The following DMD variants were observed in gnomAD, a reference collection of about 807,000 sequenced individuals.
DMD encodes the protein dystrophin.
DMD carries 63 observed loss-of-function variants against 330.1 expected under a neutral mutation model. The ratio of observed to expected loss-of-function variants is 0.19; its 90% CI spans 0.16 to 0.24. The LOEUF (loss-of-function observed/expected upper bound fraction) is 0.24. DMD is among the 10% of genes least tolerant of loss of function. The pLI, the probability that DMD is intolerant of heterozygous loss-of-function variation, is 1.00. For synonymous variants in DMD, 1,223 were observed against 959.8 expected (o/e 1.27, Z -5.07); for missense variants, 3,344 against 2,684.1 (o/e 1.25, Z -5.43).
intron 7 of DMD, among the ~76,000 whole-genome samples, chrX:32,744,786 C>A (rs1475284909): frequency 1.8e-5 from 2 of 111,968 alleles, no homozygotes; most frequent in East Asian, 5.6e-4. Flanking sequence ...GATATAAACA[C>A]TTTTCATCTG....
chrX:31,306,913 T>C (rs1012037973), intron 62 of DMD, among the ~76,000 whole-genome samples: 2 of 111,560 alleles, frequency 1.8e-5, no homozygotes, highest in Admixed American at 1.9e-4. Flanking sequence ...CTGTTCTTAT[T>C]CAGTCTTTTT....
intron 1 of DMD, among the ~76,000 whole-genome samples, chrX:33,293,113 C>A (rs2053537716): frequency 9.0e-6 from 1 of 111,380 alleles, no homozygotes; most frequent in African/African-American, 3.3e-5. Flanking sequence ...AAATCATATT[C>A]TTTAAATATT....
At chrX:32,916,015 G>A (rs918831381) in intron 2 of DMD, among the ~76,000 whole-genome samples, 2 of 111,362 alleles carry the variant, frequency 1.8e-5, no homozygotes, top group Non-Finnish European at 3.8e-5. Context: ...CATAAATATA[G>A]TATAATTAAT....
At chrX:32,819,164 G>C (rs2078015073) in intron 5 of DMD, among the ~76,000 whole-genome samples, 1 of 110,522 alleles carries the variant, frequency 9.0e-6, no homozygotes, top group Non-Finnish European at 1.9e-5. Flanking sequence ...ATATGGTAAG[G>C]ATAGTTTCTG....
chrX:31,519,037 T>G (rs1210877681), intron 55 of DMD, among the ~76,000 whole-genome samples: 1 of 111,896 alleles, frequency 8.9e-6, no homozygotes, highest in African/African-American at 3.2e-5. Flanking sequence ...GGTCAACAAC[T>G]GAATAATTTT....
chrX:31,715,590 T>G (rs1484950170), intron 52 of DMD, among the ~76,000 whole-genome samples: 2 of 110,435 alleles, frequency 1.8e-5, no homozygotes, highest in African/African-American at 6.6e-5. Flanking sequence ...TACATTTCAT[T>G]TCCATTTTGC....
At chrX:31,631,316 G>C (rs2079122527) in intron 54 of DMD, among the ~76,000 whole-genome samples, 1 of 111,044 alleles carries the variant, frequency 9.0e-6, no homozygotes, top group Non-Finnish European at 1.9e-5. Context: ...TGCTGGTAGT[G>C]CTACTGGCTG....
intron 2 of DMD, among the ~76,000 whole-genome samples, chrX:32,971,300 AT>A (rs2092373191): frequency 9.0e-6 from 1 of 111,500 alleles, no homozygotes; most frequent in Admixed American, 9.6e-5. Flanking sequence ...ATTGTGCTGT[AT>A]TTTTTAATCA....
intron 55 of DMD, among the ~76,000 whole-genome samples, chrX:31,620,868 C>T (rs1225589931): frequency 8.9e-6 from 1 of 111,738 alleles, no homozygotes; most frequent in African/African-American, 3.3e-5. Context: ...ATTTTGGTGA[C>T]ATTTAGATAT....
At chrX:32,896,015 C>T (rs1001386683) in intron 2 of DMD, among the ~76,000 whole-genome samples, 5 of 111,332 alleles carry the variant, frequency 4.5e-5, no homozygotes, top group Non-Finnish European at 9.4e-5. Flanking sequence ...AATGAATGAT[C>T]ACGGCTGTAA....
At chrX:32,636,005 G>C (rs1349903734) in intron 11 of DMD, among the ~76,000 whole-genome samples, 1 of 111,712 alleles carries the variant, frequency 9.0e-6, no homozygotes, top group African/African-American at 3.3e-5. Context: ...CCAAATTCTG[G>C]TATTCCTTAC....
chrX:31,522,361 C>CTATATATATATATATA (rs1454794019), intron 55 of DMD, among the ~76,000 whole-genome samples: 59 of 50,218 alleles, frequency 1.2e-3, no homozygotes, highest in Non-Finnish European at 1.5e-3. Flanking sequence ...CTCTCTCTCT[C>CTATATATATATATATA]TCTATATATA....
At chrX:32,848,018 A>G (rs755613411) in intron 3 of DMD, among the ~76,000 whole-genome samples, 3 of 112,076 alleles carry the variant, frequency 2.7e-5, no homozygotes, top group Non-Finnish European at 5.6e-5. Context: ...GAAATTCATT[A>G]TCTTAAACAT....
At chrX:33,059,067 T>C (rs1304181991) in intron 1 of DMD, among the ~76,000 whole-genome samples, 1 of 111,950 alleles carries the variant, frequency 8.9e-6, no homozygotes, top group Non-Finnish European at 1.9e-5. Context: ...GAATTCTTAG[T>C]TTTAATGAAG....
chrX:32,445,244 G>A (rs748958328), intron 27 of DMD, among the ~76,000 whole-genome samples: 57 of 110,901 alleles, frequency 5.1e-4, no homozygotes, highest in Admixed American at 1.4e-3. Flanking sequence ...TATAGAGAAC[G>A]AGCCAGGTCA....
intron 44 of DMD, among the ~76,000 whole-genome samples, chrX:32,040,569 T>TG (rs963538920): frequency 9.0e-6 from 1 of 111,197 alleles, no homozygotes; most frequent in African/African-American, 3.3e-5. Context: ...ACTCTCTGGA[T>TG]GGGGGGGAGT....
At chrX:32,145,337 G>A (rs1325715132) in intron 44 of DMD, among the ~76,000 whole-genome samples, 1 of 112,155 alleles carries the variant, frequency 8.9e-6, no homozygotes, top group African/African-American at 3.2e-5. Context: ...AACACATTCA[G>A]TTATTGGGGC....
At chrX:31,254,884 T>C (rs66591448) in intron 63 of DMD, among the ~76,000 whole-genome samples, 24,568 of 107,180 alleles carry the variant, frequency 0.23, 2,377 homozygotes, top group East Asian at 0.44. Flanking sequence ...CTACAAAAAA[T>C]TTAAAAAAAG....
At chrX:32,399,053 C>T (rs2098067020) in intron 30 of DMD, among the ~76,000 whole-genome samples, 1 of 111,832 alleles carries the variant, frequency 8.9e-6, no homozygotes, top group Non-Finnish European at 1.9e-5. Flanking sequence ...TAAAACCAGA[C>T]CTCTATCTTG....
Sources: gnomAD v4.1 joint callset for allele counts (sites outside exome capture counted in the v4.1 genomes callset) on GRCh38, gnomAD v4.1.1 for gene constraint, MANE v1.5 for transcripts, NCBI Gene and HGNC (gene_info 2026-07-23, HGNC 2026-07-21) for gene names.